Variants in BCAS3 observed in about 807,000 individuals in gnomAD.
BCAS3 encodes BCAS4/BCAS3 fusion.
Under a neutral mutation model 116.1 loss-of-function variants are expected in BCAS3, and 53 were observed. The ratio of observed to expected loss-of-function variants is 0.46; its 90% CI spans 0.37 to 0.57. The LOEUF is 0.57. Ranked by LOEUF, BCAS3 falls within the 20% of genes least tolerant of loss-of-function variation. BCAS3 has a pLI of 0.00. For missense variants in BCAS3, 917 were observed against 1,165.4 expected (o/e 0.79, Z 3.10); for synonymous variants, 391 against 408.2 (o/e 0.96, Z 0.51).
At chr17:61,236,489 T>G (rs1251140524) in intron 22 of BCAS3, among the ~76,000 whole-genome samples, 1 of 152,030 alleles carries the variant, frequency 6.6e-6, no homozygotes, top group African/African-American at 2.4e-5. Context: ...CTGGCTAATT[T>G]TTTTGTATTT....
intron 13 of BCAS3, among the ~76,000 whole-genome samples, chr17:60,934,755 T>C (rs565233238): frequency 7.0e-4 from 107 of 152,332 alleles, no homozygotes; most frequent in African/African-American, 2.3e-3. Flanking sequence ...CCCAAAGATA[T>C]ATATTCATTT....
intron 6 of BCAS3, among the ~76,000 whole-genome samples, chr17:60,748,577 A>G (rs1423012819): frequency 1.3e-5 from 2 of 152,282 alleles, no homozygotes; most frequent in African/African-American, 4.8e-5. Flanking sequence ...ATCAAGGAGG[A>G]CTTTATTACT....
At chr17:60,765,477 T>G (rs1168812922) in intron 6 of BCAS3, among the ~76,000 whole-genome samples, 1 of 152,204 alleles carries the variant, frequency 6.6e-6, no homozygotes, top group Non-Finnish European at 1.5e-5. Flanking sequence ...TATGAAATTC[T>G]GGGTTGAAAA....
intron 6 of BCAS3, among the ~76,000 whole-genome samples, chr17:60,753,383 T>TTTCA (rs1555694757): frequency 2.2e-5 from 3 of 135,610 alleles, no homozygotes; most frequent in Admixed American, 7.5e-5. Flanking sequence ...TTGTCTCTTA[T>TTTCA]TTTATTTATT....
chr17:60,742,112 G>T (rs1463824879), intron 5 of BCAS3, among the ~76,000 whole-genome samples: 1 of 152,122 alleles, frequency 6.6e-6, no homozygotes, highest in African/African-American at 2.4e-5. Flanking sequence ...ATAGATACAA[G>T]CTTGGTTAAT....
rs569080179 is a variant in BCAS3, at chr17:60,813,117, C to T, written c.476+5041C>T. Among the ~76,000 whole-genome samples, 5 of 152,184 alleles carry T rather than the reference C, an allele frequency of 3.3e-5. No individual in the cohort carries two copies. The South Asian group carries it at 1.0e-3, about 32-fold the overall frequency. The stretch of plus-strand genomic sequence containing the variant: ...TCACACAGTTAGTCATGGACCCAGG[C>T]TTTTGCTTGACCCTCAAGCTATGTT... On this transcript the variant is annotated intron_variant, in intron 7 of 23. Transcript: ENST00000407086.
intron 22 of BCAS3, among the ~76,000 whole-genome samples, chr17:61,331,237 G>A (rs796504516): frequency 5.3e-5 from 8 of 152,280 alleles, no homozygotes; most frequent in African/African-American, 1.9e-4. Flanking sequence ...GGGCTTTTTG[G>A]CTGGACAGTT....
At chr17:60,735,016 T>A (rs760684974) in intron 5 of BCAS3, among the ~76,000 whole-genome samples, 25 of 152,224 alleles carry the variant, frequency 1.6e-4, no homozygotes, top group Non-Finnish European at 2.5e-4. Context: ...GTTTTATAGT[T>A]TTCCTCATAT....
chr17:61,086,677 A>T, intron 22 of BCAS3: 1 of 985,318 alleles, frequency 1.0e-6, no homozygotes, highest in Non-Finnish European at 1.2e-6. Context: ...TTGGTGGCTA[A>T]GCTTTATTAT....
Position 61,267,444 on chromosome 17 carries a change from A to G in BCAS3, c.2426-100883A>G, listed in dbSNP as rs147718546. Among the ~76,000 whole-genome samples the G allele has an allele frequency of 5.8e-3, 886 of 151,970 alleles. 13 individuals carry two copies. Among genetic ancestry groups the G allele is most frequent in the African/African-American group, 0.02 (845 of 41,486 alleles). ...CAAGACTTTTATTTTTTGAAAAGAA[A>G]AAACTAATTTAGGCCAGGTGCGGTG... On this transcript the variant is annotated intron_variant, in intron 22 of 23. Coordinates refer to ENST00000407086, the MANE Select transcript of BCAS3 (RefSeq NM_017679.5).
At chr17:60,775,870 A>G (rs1030597598) in intron 6 of BCAS3, among the ~76,000 whole-genome samples, 3 of 152,204 alleles carry the variant, frequency 2.0e-5, no homozygotes, top group African/African-American at 7.2e-5. Flanking sequence ...GGTGTTTATT[A>G]TTAAAGTATA....
chr17:61,321,254 A>T (rs1049755463), intron 22 of BCAS3, among the ~76,000 whole-genome samples: 5 of 152,332 alleles, frequency 3.3e-5, no homozygotes, highest in African/African-American at 1.2e-4. Context: ...TATGGCATGA[A>T]ATAAAGTGGT....
intron 22 of BCAS3, among the ~76,000 whole-genome samples, chr17:61,268,031 C>T (rs2049905168): frequency 6.6e-6 from 1 of 152,158 alleles, no homozygotes; most frequent in African/African-American, 2.4e-5. Context: ...AACTGTTACT[C>T]ACTTGTAGAT....
rs530765428 is a variant in BCAS3, at chr17:61,349,418, C to T, written c.2426-18909C>T. Among the ~76,000 whole-genome samples, 12 of 152,212 alleles carry T rather than the reference C, an allele frequency of 7.9e-5. No individual in the cohort carries two copies. In the East Asian group the frequency reaches 1.2e-3, roughly 15 times the overall value. On this transcript the variant is annotated intron_variant, in intron 22 of 23. Coordinates refer to ENST00000407086, the MANE Select transcript of BCAS3 (RefSeq NM_017679.5). The surrounding 1 kb of genome is among the most constrained non-coding windows in gnomAD (Gnocchi z 4.7). The stretch of plus-strand genomic sequence containing the variant: ...GGGATGGAAATGCTAACCCACTGAC[C>T]GAACAGAGTTTCTGAACAACTGAGT...
intron 19 of BCAS3, among the ~76,000 whole-genome samples, chr17:61,072,697 AGAAAG>A (rs2071557964): frequency 6.6e-6 from 1 of 151,312 alleles, no homozygotes; most frequent in Non-Finnish European, 1.5e-5. Context: ...AAAAAAAAGA[AGAAAG>A]GAAAAGCCCA....
chr17:60,743,172 A>G (rs115181422), intron 5 of BCAS3, among the ~76,000 whole-genome samples: 4,878 of 152,168 alleles, frequency 0.032, 248 homozygotes, highest in African/African-American at 0.11. Context: ...ATAGCAATAC[A>G]TATAAAACTA....
At chr17:60,954,056 G>A (rs975057848) in intron 14 of BCAS3, among the ~76,000 whole-genome samples, 1 of 152,230 alleles carries the variant, frequency 6.6e-6, no homozygotes, top group East Asian at 1.9e-4. Context: ...TAAGGAAGGG[G>A]TTCAGTTTCA....
At chr17:61,114,786 A>G (rs1423893357) in intron 22 of BCAS3, among the ~76,000 whole-genome samples, 1 of 149,666 alleles carries the variant, frequency 6.7e-6, no homozygotes, top group African/African-American at 2.4e-5. Flanking sequence ...CGCCAAGGCA[A>G]TCCTAAGCCA....
At chr17:60,978,258 G>A (rs1479302469) in intron 14 of BCAS3, among the ~76,000 whole-genome samples, 12 of 134,170 alleles carry the variant, frequency 8.9e-5, no homozygotes, top group Non-Finnish European at 1.7e-4. Flanking sequence ...GCCAGTGATG[G>A]TGAGCATTTT....
Sources: gnomAD v4.1 joint callset for allele counts (sites outside exome capture counted in the v4.1 genomes callset) on GRCh38, gnomAD v4.1.1 for gene constraint, Gnocchi (gnomAD v3.1) non-coding constraint, MANE v1.5 for transcripts, NCBI Gene and HGNC (gene_info 2026-07-23, HGNC 2026-07-21) for gene names.